Variants in TRAPPC9 observed in about 807,000 individuals in gnomAD.
TRAPPC9 encodes the protein trafficking protein particle complex subunit 9.
Under a neutral mutation model 124.0 loss-of-function variants are expected in TRAPPC9, and 83 were observed. The ratio of observed to expected loss-of-function variants is 0.67; its 90% confidence interval spans 0.56 to 0.80. TRAPPC9 has a LOEUF of 0.80. Among genes scored for constraint, TRAPPC9 ranks in the 30% least tolerant of loss-of-function variants. The probability of loss-of-function intolerance (pLI) is 0.00; values close to 1 mark genes in which losing one functional copy is unlikely to be tolerated. For synonymous variants in TRAPPC9, 638 were observed against 617.5 expected (o/e 1.03, Z -0.49); for missense variants, 1,302 against 1,508.3 (o/e 0.86, Z 2.27).
At chr8:140,143,444 C>T (rs763895782) in intron 17 of TRAPPC9, among the ~76,000 whole-genome samples, 26 of 152,192 alleles carry the variant, frequency 1.7e-4, no homozygotes, top group Admixed American at 1.2e-3. Flanking sequence ...TCTAACTTTT[C>T]TTCGTTTGGG....
chr8:139,752,697 T>A (rs888056397), intron 21 of TRAPPC9, among the ~76,000 whole-genome samples: 4 of 151,112 alleles, frequency 2.6e-5, no homozygotes, highest in Non-Finnish European at 4.4e-5. Flanking sequence ...CATCCATCCA[T>A]CTACCATTCA....
At chr8:140,074,434 T>A (rs780975133) in intron 17 of TRAPPC9, among the ~76,000 whole-genome samples, 1 of 152,184 alleles carries the variant, frequency 6.6e-6, no homozygotes, top group Non-Finnish European at 1.5e-5. Flanking sequence ...TCCCTCTTCC[T>A]CATCTCCAAA....
intron 16 of TRAPPC9, among the ~76,000 whole-genome samples, chr8:140,236,959 T>C (rs891815159): frequency 1.3e-5 from 2 of 152,046 alleles, no homozygotes. Flanking sequence ...GGAGGGCGGA[T>C]CACCGGAGGT....
Position 139,776,013 on chromosome 8 carries a change from G to C in TRAPPC9, c.3056-43811C>G, listed in dbSNP as rs970380396. ...CCCCTGGGCCAGCCTCCCAGCTTCT[G>C]TTGCTTCTGGCTCTGAGCTGTCTTC... On this transcript the variant is annotated intron_variant, in intron 21 of 22. Coordinates refer to ENST00000438773, the MANE Select transcript of TRAPPC9 (RefSeq NM_001160372.4). The surrounding 1 kb of genome is among the most constrained non-coding windows in gnomAD (Gnocchi z 4.1). 6.6e-6 allele frequency among the ~76,000 whole-genome samples: 1 copy of C among 152,178 alleles called. No individual in the cohort carries two copies. The highest frequency in any genetic ancestry group is 2.4e-5 in the African/African-American group (1 of 41,456).
intron 20 of TRAPPC9, among the ~76,000 whole-genome samples, chr8:139,899,946 C>T (rs1010185696): frequency 2.0e-5 from 3 of 152,128 alleles, no homozygotes; most frequent in Non-Finnish European, 4.4e-5. Flanking sequence ...GGAGCACAAC[C>T]CCACAGAACC....
chr8:139,844,446 C>T (rs1031488129), intron 21 of TRAPPC9, among the ~76,000 whole-genome samples: 1 of 152,220 alleles, frequency 6.6e-6, no homozygotes, highest in Admixed American at 6.5e-5. Context: ...TTCGTCAAGA[C>T]GTTCCTTCCC....
intron 17 of TRAPPC9, among the ~76,000 whole-genome samples, chr8:140,074,651 C>T (rs545551273): frequency 6.6e-6 from 1 of 152,282 alleles, no homozygotes; most frequent in South Asian, 2.1e-4. Flanking sequence ...AGACAGTCCC[C>T]GCCCTGAGGG....
chr8:140,435,461 G>A (rs1400854822), intron 3 of TRAPPC9, among the ~76,000 whole-genome samples: 1 of 152,126 alleles, frequency 6.6e-6, no homozygotes, highest in Admixed American at 6.6e-5. Context: ...TCTTTCCCAT[G>A]CCCATGTCCA....
At chr8:140,429,052 G>GGTTTTTGTTTT (rs1198260932) in intron 4 of TRAPPC9, among the ~76,000 whole-genome samples, 23 of 151,204 alleles carry the variant, frequency 1.5e-4, no homozygotes, top group Non-Finnish European at 2.9e-5. Flanking sequence ...GACTGCCAGG[G>GGTTTTTGTTTT]GTTTTTTGTT....
intron 21 of TRAPPC9, among the ~76,000 whole-genome samples, chr8:139,737,582 G>C (rs1818285363): frequency 6.7e-6 from 1 of 149,348 alleles, no homozygotes; most frequent in Non-Finnish European, 1.5e-5. Context: ...TCCATTTCCT[G>C]GTCCACCAAA....
intron 17 of TRAPPC9, among the ~76,000 whole-genome samples, chr8:140,210,167 G>C (rs543271452): frequency 1.3e-5 from 2 of 152,222 alleles, no homozygotes; most frequent in Non-Finnish European, 2.9e-5. Context: ...CTAGCAGAGG[G>C]GCCGGAACCG....
intron 1 of TRAPPC9, among the ~76,000 whole-genome samples, chr8:140,453,879 G>A (rs1292632077): frequency 6.6e-6 from 1 of 152,202 alleles, no homozygotes; most frequent in Non-Finnish European, 1.5e-5. Flanking sequence ...AGACTGGAGC[G>A]CTCATGTTTC....
chr8:139,744,602 C>G (rs1052462701), intron 21 of TRAPPC9, among the ~76,000 whole-genome samples: 2 of 152,246 alleles, frequency 1.3e-5, no homozygotes, highest in Non-Finnish European at 2.9e-5. Flanking sequence ...CTCTTTCCCC[C>G]CATCAGCGAC....
intron 17 of TRAPPC9, among the ~76,000 whole-genome samples, chr8:140,107,051 T>A (rs190687256): frequency 5.3e-4 from 80 of 152,338 alleles, no homozygotes; most frequent in Admixed American, 2.5e-3. Flanking sequence ...TGCGTGTGTG[T>A]CCTTTCTTTT....
At chr8:140,333,389 G>C (rs2066948842) in intron 9 of TRAPPC9, among the ~76,000 whole-genome samples, 1 of 151,906 alleles carries the variant, frequency 6.6e-6, no homozygotes, top group African/African-American at 2.4e-5. Context: ...ATAGGTTTTT[G>C]TTTTGTTTGT....
chr8:139,974,689 C>T (rs1836319304), intron 19 of TRAPPC9, among the ~76,000 whole-genome samples: 1 of 152,064 alleles, frequency 6.6e-6, no homozygotes, highest in Non-Finnish European at 1.5e-5. Flanking sequence ...AGGCACACCC[C>T]AGGCTGCCCA....
At chr8:140,448,189 A>AT (rs1227821806) in intron 2 of TRAPPC9, among the ~76,000 whole-genome samples, 1 of 152,104 alleles carries the variant, frequency 6.6e-6, no homozygotes, top group Admixed American at 6.6e-5. Flanking sequence ...TGGAGAAACA[A>AT]AAGCAACAAC....
intron 17 of TRAPPC9, among the ~76,000 whole-genome samples, chr8:140,053,947 TAAAG>T (rs1842150942): frequency 6.6e-6 from 1 of 152,254 alleles, no homozygotes; most frequent in South Asian, 2.1e-4. Flanking sequence ...GTGGACTGCA[TAAAG>T]AAAGTGTGGT....
intron 21 of TRAPPC9, among the ~76,000 whole-genome samples, chr8:139,848,949 A>G (rs1827273882): frequency 6.6e-6 from 1 of 152,228 alleles, no homozygotes; most frequent in South Asian, 2.1e-4. Flanking sequence ...CCAAAGTTGG[A>G]TGGAATCATC....
Sources: gnomAD v4.1 joint callset for allele counts (sites outside exome capture counted in the v4.1 genomes callset) on GRCh38, gnomAD v4.1.1 for gene constraint, Gnocchi (gnomAD v3.1) non-coding constraint, MANE v1.5 for transcripts, NCBI Gene and HGNC (gene_info 2026-07-23, HGNC 2026-07-21) for gene names.